The following ZNF808 variants were observed in gnomAD, a reference collection of about 807,000 sequenced individuals.
The protein encoded by ZNF808 is zinc finger protein 808.
ZNF808 carries 5 observed loss-of-function variants against 8.7 expected under a neutral mutation model. That is an observed-to-expected ratio of 0.58 (90% CI 0.30 to 1.21). The LOEUF (loss-of-function observed/expected upper bound fraction) is 1.21. Among genes scored for constraint, ZNF808 ranks in the 50% most tolerant of loss-of-function variants. The pLI is 0.07. For missense variants in ZNF808, 1,103 were observed against 1,098.4 expected (o/e 1.00, Z -0.06); for synonymous variants, 380 against 366.0 (o/e 1.04, Z -0.44).
chr19:52,532,500 T>C (rs1418048393), intron 1 of ZNF808, among the ~76,000 whole-genome samples: 1 of 152,224 alleles, frequency 6.6e-6, no homozygotes, highest in Non-Finnish European at 1.5e-5. Flanking sequence ...TATTTACCAA[T>C]ATAATATATT....
intron 4 of ZNF808, among the ~76,000 whole-genome samples, chr19:52,552,070 T>TGCAGTG (rs2059782560): frequency 1.3e-5 from 2 of 151,052 alleles, no homozygotes; most frequent in South Asian, 4.2e-4. Flanking sequence ...CAGGCTGGAG[T>TGCAGTG]GCAGTGGCAT....
intron 4 of ZNF808, among the ~76,000 whole-genome samples, chr19:52,548,297 C>T (rs1339668991): frequency 1.3e-5 from 2 of 152,218 alleles, no homozygotes; most frequent in Non-Finnish European, 2.9e-5. Flanking sequence ...GTTGTAGGAT[C>T]AACCCTGTAA....
chr19:52,565,402 C>A (rs1452227353), downstream of ZNF808, among the ~76,000 whole-genome samples: 32 of 152,158 alleles, frequency 2.1e-4, no homozygotes, highest in Admixed American at 2.1e-3. Context: ...ACAAACCTGC[C>A]TCCCATTTTA....
chr19:52,553,502 A>G lies in ZNF808; in HGVS notation c.586A>G (p.Ile196Val). ...DASSVSTSQRISCRPQIHISN... is the reference protein window; with the variant it reads ...DASSVSTSQRVSCRPQIHISN... ...TTCCTCAGTTTCAACATCCCAAAGA[A>G]TTTCCTGTAGGCCCCAAATCCATAT... is the stretch of plus-strand genomic sequence containing the variant. Residue 196 changes from isoleucine (I) to valine (V), a missense_variant, in exon 5 of 5, where the codon ATT (isoleucine) becomes GTT (valine). By Grantham distance (29) the Ile-to-Val change is conservative. Coordinates refer to ENST00000359798, the MANE Select transcript of ZNF808 (RefSeq NM_001039886.4). The G allele has an allele frequency of 1.2e-6, 2 of 1,614,154 alleles. No individual in the cohort carries two copies. The highest frequency in any genetic ancestry group is 1.7e-6 in the Non-Finnish European group (2 of 1,180,024).
chr19:52,549,877 T>G (rs1190541485), intron 4 of ZNF808, among the ~76,000 whole-genome samples: 1 of 152,124 alleles, frequency 6.6e-6, no homozygotes, highest in Non-Finnish European at 1.5e-5. Flanking sequence ...CTGGACAAAA[T>G]TATAGGAGGC....
At chr19:52,528,948 G>T (rs188711468) in intron 1 of ZNF808, among the ~76,000 whole-genome samples, 55 of 151,174 alleles carry the variant, frequency 3.6e-4, no homozygotes, top group Middle Eastern at 3.4e-3. Context: ...GGAAGAAGGG[G>T]GATAAACAGC....
intron 2 of ZNF808, among the ~76,000 whole-genome samples, chr19:52,535,318 G>A (rs182077827): frequency 3.1e-5 from 4 of 129,416 alleles, no homozygotes; most frequent in Admixed American, 1.7e-4. Context: ...GTGACAGAGC[G>A]AGACTCCGTC....
chr19:52,560,789 T>C (rs2059853656), downstream of ZNF808, among the ~76,000 whole-genome samples: 1 of 152,202 alleles, frequency 6.6e-6, no homozygotes. Context: ...CAGATGTGCA[T>C]GCACAAAGTT....
chr19:52,546,921 C>T (rs993335781), intron 3 of ZNF808, among the ~76,000 whole-genome samples: 3 of 142,324 alleles, frequency 2.1e-5, no homozygotes, highest in East Asian at 2.1e-4. Flanking sequence ...GGATTACAGG[C>T]GAGAGCCATT....
In ZNF808 at chr19:52,535,038, TA is replaced by T. The variant is rs1043820598; in HGVS notation, c.-20+2040del. On this transcript the variant is annotated intron_variant, in intron 2 of 4. Coordinates refer to ENST00000359798, the MANE Select transcript of ZNF808 (RefSeq NM_001039886.4). ...TGAAAAATTTTATTTAAAAACGGGTTAAAAAAAAAAAGGCTGGGCGGGGTGG... is the reference window on the plus strand; with the variant it reads ...TGAAAAATTTTATTTAAAAACGGGTTAAAAAAAAAAGGCTGGGCGGGGTGG... Among the ~76,000 whole-genome samples the T allele has an allele frequency of 3.8e-3, 544 of 142,884 alleles. 2 individuals carry two copies. The highest frequency in any genetic ancestry group is 7.2e-3 in the African/African-American group (282 of 39,250). 93.7% of individuals were successfully genotyped at this position (142,884 alleles called of 152,430 possible). A position where few individuals can be genotyped will look rare whatever the true frequency, so the allele number is the denominator to read the frequency against.
intron 2 of ZNF808, among the ~76,000 whole-genome samples, chr19:52,538,960 C>T (rs561517924): frequency 3.4e-4 from 51 of 152,100 alleles, no homozygotes; most frequent in Non-Finnish European, 5.7e-4. Context: ...GCGTCAGAGG[C>T]AGCTTCCCTC....
chr19:52,554,023 A>G lies in ZNF808; in HGVS notation c.1107A>G (p.Lys369=). The G allele has an allele frequency of 6.2e-7, 1 of 1,614,134 alleles. No homozygotes were observed. Among genetic ancestry groups the G allele is most frequent in the Non-Finnish European group, 8.5e-7 (1 of 1,180,030 alleles). ...ATCAAAGACTTCATACTGGAGTGAA[A>G]CCTTACAAATGTAAGATTTGTGAGA... ...SRHQRLHTGV[K]PYKCKICEKA... Residue 369 remains lysine (K), a synonymous_variant, in exon 5 of 5, where the codon AAA becomes AAG. Coordinates refer to ENST00000359798, the MANE Select transcript of ZNF808 (RefSeq NM_001039886.4).
At chr19:52,540,447 T>G (rs2059659725) in intron 2 of ZNF808, among the ~76,000 whole-genome samples, 1 of 152,252 alleles carries the variant, frequency 6.6e-6, no homozygotes, top group Non-Finnish European at 1.5e-5. Flanking sequence ...CTGTGTGCTT[T>G]CTAGTCTTTA....
At chr19:52,557,741 T>C (rs1438005726), downstream of ZNF808, among the ~76,000 whole-genome samples, 3 of 152,216 alleles carry the variant, frequency 2.0e-5, no homozygotes, top group Admixed American at 1.3e-4. Context: ...ATCAGAATCT[T>C]GCAAAAGAAG....
intron 4 of ZNF808, among the ~76,000 whole-genome samples, chr19:52,548,040 A>G (rs1300579270): frequency 6.6e-6 from 1 of 152,090 alleles, no homozygotes; most frequent in Non-Finnish European, 1.5e-5. Context: ...TGCCCAGCTC[A>G]TTCTGGTTTT....
chr19:52,528,297 C>T (rs1431083182), intron 1 of ZNF808, among the ~76,000 whole-genome samples: 4 of 152,204 alleles, frequency 2.6e-5, no homozygotes, highest in Non-Finnish European at 5.9e-5. Flanking sequence ...TTCTTGCCTG[C>T]CGAGCTCCAG....
chr19:52,561,266 C>T (rs1376680191), downstream of ZNF808, among the ~76,000 whole-genome samples: 3 of 140,894 alleles, frequency 2.1e-5, no homozygotes, highest in African/African-American at 5.3e-5. Flanking sequence ...ACTTTAAGTT[C>T]TAGGGTACAT....
At chr19:52,552,836 G>A (rs920329443) in intron 4 of ZNF808, among the ~76,000 whole-genome samples, 13 of 151,800 alleles carry the variant, frequency 8.6e-5, no homozygotes, top group African/African-American at 3.1e-4. Flanking sequence ...GGTCACAGTG[G>A]AAAAATACTC....
intron 4 of ZNF808, among the ~76,000 whole-genome samples, chr19:52,549,764 T>C (rs956835989): frequency 6.6e-6 from 1 of 152,218 alleles, no homozygotes; most frequent in Non-Finnish European, 1.5e-5. Context: ...ATACTGTTTC[T>C]TTCCAGCCTA....
Sources: gnomAD v4.1 joint callset for allele counts (sites outside exome capture counted in the v4.1 genomes callset) on GRCh38, gnomAD v4.1.1 for gene constraint, MANE v1.5 for transcripts, NCBI Gene and HGNC (gene_info 2026-07-23, HGNC 2026-07-21) for gene names.